Variants in SUCLA2 observed in about 807,000 individuals in gnomAD.
SUCLA2 encodes succinate--CoA ligase [ADP-forming] subunit beta, mitochondrial.
A neutral mutation model predicts 54.8 loss-of-function variants in SUCLA2; 30 were observed. That is an observed-to-expected ratio of 0.55 (90% confidence interval 0.41 to 0.74). SUCLA2 has a LOEUF of 0.74. SUCLA2 is among the 30% of genes least tolerant of loss of function. The pLI, the probability that SUCLA2 is intolerant of heterozygous loss-of-function variation, is 0.00. For synonymous variants in SUCLA2, 172 were observed against 188.9 expected, an observed-to-expected ratio of 0.91 and a Z score of 0.74; for missense variants, 476 against 562.9, an observed-to-expected ratio of 0.85 and a Z score of 1.56.
In SUCLA2 at chr13:47,996,929, T is replaced by A. The variant is rs770129860; in HGVS notation, c.185A>T (p.Glu62Val). 1 of 1,614,086 alleles carries A rather than the reference T, an allele frequency of 6.2e-7. No individual in the cohort carries two copies. Among genetic ancestry groups the A allele is most frequent in the South Asian group, 1.1e-5 (1 of 91,086 alleles). ...GGAGACACCAGCTTCTTGCAATAAT[T>A]CCATACTCATGTATTCATGTAGTGA... ...NLSLHEYMSM[E>V]LLQEAGVSVP... Residue 62 changes from glutamate (E) to valine (V), a missense_variant, in exon 2 of 11, where the codon GAA becomes GTA. This residue lies in a region of SUCLA2 where 134 missense variants were observed against 118.7 expected (regional missense o/e 1.13). Coordinates refer to ENST00000646932, the MANE Select transcript of SUCLA2 (RefSeq NM_003850.3).
intron 3 of SUCLA2, 75 bp from the exon 4 acceptor site, chr13:47,988,778 T>G (rs1950126298): frequency 6.3e-7 from 1 of 1,597,028 alleles, no homozygotes. Flanking sequence ...TAGCCAAAAT[T>G]TTATCTCATC....
chr13:47,954,512 T>A lies in SUCLA2; in HGVS notation c.848A>T (p.Tyr283Phe). The change falls in exon 7 of 11, where the codon TAT becomes TTT. Residue 283 changes from tyrosine (Y) to phenylalanine (F), a missense_variant. By Grantham distance (22) the Tyr-to-Phe change is conservative. Transcript: ENST00000646932. The stretch of plus-strand genomic sequence containing the variant: ...TAGATCAAAGATTTTCTTTTGGCGA[T>A]AGGCTGAATTAGAGTCAAAATTGAT... ...AKINFDSNSA[Y>F]RQKKIFDLQD... The A allele has an allele frequency of 1.2e-6, 2 of 1,613,878 alleles. No homozygotes were observed. The highest frequency in any genetic ancestry group is 1.7e-6 in the Non-Finnish European group (2 of 1,179,824).
chr13:47,955,748 C>A (rs1440443910), intron 6 of SUCLA2, among the ~76,000 whole-genome samples: 1 of 152,110 alleles, frequency 6.6e-6, no homozygotes, highest in Non-Finnish European at 1.5e-5. Flanking sequence ...TCCCAGCACT[C>A]TACCAAAATG....
chr13:47,960,524 T>TAATTC (rs1949861808), intron 6 of SUCLA2, among the ~76,000 whole-genome samples: 1 of 152,184 alleles, frequency 6.6e-6, no homozygotes, highest in African/African-American at 2.4e-5. Context: ...ATATCCAAGA[T>TAATTC]AATTCAATTC....
chr13:47,956,903 A>T (rs756033138), intron 6 of SUCLA2: 5 of 152,228 alleles, frequency 3.3e-5, no homozygotes, highest in Non-Finnish European at 5.9e-5. Flanking sequence ...GAACAACAAA[A>T]ATATATGAGC....
intron 4 of SUCLA2, chr13:47,988,110 AT>A (rs1950117971): frequency 2.3e-5 from 4 of 170,886 alleles, no homozygotes; most frequent in African/African-American, 9.8e-5. Context: ...ACCCGAAACT[AT>A]TAAAAAAAAA....
intron 5 of SUCLA2, among the ~76,000 whole-genome samples, chr13:47,971,138 C>A (rs1379370502): frequency 3.3e-5 from 5 of 152,164 alleles, no homozygotes; most frequent in African/African-American, 4.8e-5. Context: ...TTAGGCCAGG[C>A]GCGGCGGCTC....
At position 47,989,009 on chromosome 13, in the gene SUCLA2, T is replaced by C. The variant is rs1566091742; in HGVS notation, c.272-28A>G. 3.1e-6 allele frequency: 5 copies of C among 1,595,608 alleles called. No individual in the cohort carries two copies. The South Asian group carries it at 4.4e-5, about 14-fold the overall frequency. On this transcript the variant is annotated intron_variant, in intron 2 of 10. Coordinates refer to ENST00000646932, the MANE Select transcript of SUCLA2 (RefSeq NM_003850.3). ...AGAAGAAAAACACTTCTATTAAATA[T>C]GAAGCATGGAGCAGCATGCCAGACA...
intron 6 of SUCLA2, among the ~76,000 whole-genome samples, chr13:47,964,035 T>A (rs962475067): frequency 6.6e-6 from 1 of 152,184 alleles, no homozygotes; most frequent in African/African-American, 2.4e-5. Context: ...TAGCAGCTTG[T>A]TGGTAATAGA....
intron 1 of SUCLA2, among the ~76,000 whole-genome samples, chr13:48,000,564 T>C (rs1481882517): frequency 6.6e-6 from 1 of 152,240 alleles, no homozygotes; most frequent in Non-Finnish European, 1.5e-5. Flanking sequence ...TATTATGCTA[T>C]AGCCTATCCA....
intron 9 of SUCLA2, 52 bp from the exon 10 acceptor site, chr13:47,949,080 T>C: frequency 6.4e-7 from 1 of 1,563,796 alleles, no homozygotes; most frequent in Non-Finnish European, 8.8e-7. Flanking sequence ...CACAAAAGCA[T>C]TTTAAAATGT....
chr13:47,999,661 C>T (rs974678047), intron 1 of SUCLA2, among the ~76,000 whole-genome samples: 1 of 151,002 alleles, frequency 6.6e-6, no homozygotes, highest in Admixed American at 6.6e-5. Context: ...GAGCCAAGAT[C>T]GCGCCACTGC....
At chr13:47,945,894 A>G (rs1310997458) in intron 10 of SUCLA2, 1 of 152,286 alleles carries the variant, frequency 6.6e-6, no homozygotes, top group African/African-American at 2.4e-5. Flanking sequence ...TCCACGCTGT[A>G]TAAACTACTC....
At chr13:47,976,497 T>A (rs1950014644) in intron 4 of SUCLA2, among the ~76,000 whole-genome samples, 1 of 152,170 alleles carries the variant, frequency 6.6e-6, no homozygotes. Context: ...GTTTCCTGTC[T>A]CAACTGATAT....
Position 47,954,175 on chromosome 13 carries a change from T to C in SUCLA2, c.1072A>G (p.Thr358Ala). Residue 358 changes from threonine (T) to alanine (A), a missense_variant, in exon 8 of 11, where the codon ACA becomes GCA. Coordinates refer to ENST00000646932, the MANE Select transcript of SUCLA2 (RefSeq NM_003850.3). ...GAAGTGATAAGCTTAAATGCTTCTGTTACTTGATGGACTGTAGCACCACCA... is the reference window on the plus strand; with the variant it reads ...GAAGTGATAAGCTTAAATGCTTCTGCTACTTGATGGACTGTAGCACCACCA... Reference protein sequence around the residue: ...VGGGATVHQVTEAFKLITSDK... With the variant: ...VGGGATVHQVAEAFKLITSDK... 11 of 1,613,810 alleles carry C rather than the reference T, an allele frequency of 6.8e-6. No individual in the cohort carries two copies. The highest frequency in any genetic ancestry group is 1.3e-5 in the African/African-American group (1 of 75,034).
Position 47,988,617 on chromosome 13 carries a change from T to C in SUCLA2, c.458A>G (p.Asn153Ser), listed in dbSNP as rs1016275203. 1 of 1,614,024 alleles carries C rather than the reference T, an allele frequency of 6.2e-7. No homozygotes were observed. Among genetic ancestry groups the C allele is most frequent in the African/African-American group, 1.3e-5 (1 of 75,060 alleles). The change falls in exon 4 of 11, where the codon AAT (asparagine) becomes AGT (serine). Residue 153 changes from asparagine to serine, a missense_variant. Transcript: ENST00000646932. Reference sequence around the variant, plus strand: ...TTTTCGCTCACAGACCAATACTTGATTGCATATTCTGCCCTTTTCTCCCGT... The same window carrying C: ...TTTTCGCTCACAGACCAATACTTGACTGCATATTCTGCCCTTTTCTCCCGT... Reference protein sequence around the residue: ...KQTGEKGRICNQVLVCERKYP... With the variant: ...KQTGEKGRICSQVLVCERKYP...
chr13:47,998,263 C>T (rs902022424), intron 1 of SUCLA2, among the ~76,000 whole-genome samples: 1 of 140,494 alleles, frequency 7.1e-6, no homozygotes, highest in Non-Finnish European at 1.5e-5. Flanking sequence ...GTCAACAGAG[C>T]AAGACCCTGT....
chr13:47,996,106 G>A lies in SUCLA2; in HGVS notation c.271+737C>T, dbSNP rs75840993. Among the ~76,000 whole-genome samples the A allele has an allele frequency of 4.6e-5, 7 of 151,868 alleles. No homozygotes were observed. In the South Asian group the frequency reaches 8.3e-4, roughly 18 times the overall value. On this transcript the variant is annotated intron_variant, in intron 2 of 10. Transcript: ENST00000646932. ...TGGGAGGCGGAGGCGGGCAGATCACGAGGTCAGGAGTTCAAGACCAGCCTG... is the reference window on the plus strand; with the variant it reads ...TGGGAGGCGGAGGCGGGCAGATCACAAGGTCAGGAGTTCAAGACCAGCCTG...
chr13:47,964,293 T>C (rs7320759), intron 6 of SUCLA2, among the ~76,000 whole-genome samples: 110,814 of 151,962 alleles, frequency 0.73, 41,371 homozygotes, highest in Non-Finnish European at 0.82. Context: ...CTAGTGATTT[T>C]CAGGGCACAG....
Sources: allele counts gnomAD v4.1 joint callset (sites outside exome capture counted in the v4.1 genomes callset), GRCh38; gene constraint gnomAD v4.1.1; regional missense constraint gnomAD v4.1.1; transcripts MANE v1.5; gene names NCBI Gene and HGNC (gene_info 2026-07-23, HGNC 2026-07-21).